The following GPC6 variants were observed in gnomAD, a reference collection of about 807,000 sequenced individuals.
GPC6 encodes the protein glypican-6.
GPC6 carries 14 observed loss-of-function variants against 55.2 expected under a neutral mutation model. The ratio of observed to expected loss-of-function variants is 0.25; its 90% confidence interval spans 0.17 to 0.40. GPC6 has a LOEUF of 0.40. Ranked by LOEUF, GPC6 falls within the 10% of genes least tolerant of loss-of-function variation. The probability of loss-of-function intolerance (pLI) is 1.00; values close to 1 mark genes in which losing one functional copy is unlikely to be tolerated. For missense variants in GPC6, 641 were observed against 708.5 expected (o/e 0.90, Z 1.08); for synonymous variants, 278 against 259.6 (o/e 1.07, Z -0.68).
intron 1 of GPC6, among the ~76,000 whole-genome samples, chr13:93,411,625 A>G (rs937646069): frequency 6.6e-6 from 1 of 152,184 alleles, no homozygotes; most frequent in Admixed American, 6.5e-5. Flanking sequence ...AAGAAGAAAA[A>G]TATTTTAAAA....
chr13:93,332,829 T>G (rs1879900775), intron 1 of GPC6, among the ~76,000 whole-genome samples: 2 of 152,202 alleles, frequency 1.3e-5, no homozygotes, highest in East Asian at 1.9e-4. Flanking sequence ...CTTCATAGTT[T>G]CAGGCCTTAC....
rs556183906 is a variant in GPC6, at chr13:93,688,915, T to C, written c.320-141239T>C. ...TGCACACTTACAAATGTTAATATGG[T>C]AAATTTTATGTTAATTATATTTTAG... On this transcript the variant is annotated intron_variant, in intron 2 of 8. Coordinates refer to ENST00000377047, the MANE Select transcript of GPC6 (RefSeq NM_005708.5). Among the ~76,000 whole-genome samples, 7 of 152,164 alleles carry C rather than the reference T, an allele frequency of 4.6e-5. No homozygotes were observed. The East Asian group carries it at 1.4e-3, about 29-fold the overall frequency.
At chr13:94,136,257 C>A (rs767177941) in intron 4 of GPC6, among the ~76,000 whole-genome samples, 63 of 150,640 alleles carry the variant, frequency 4.2e-4, no homozygotes, top group Non-Finnish European at 7.5e-4. Context: ...ATTACTGGAC[C>A]GACTTCTGTG....
intron 3 of GPC6, among the ~76,000 whole-genome samples, chr13:94,005,840 A>C (rs1463262993): frequency 2.0e-5 from 3 of 152,186 alleles, no homozygotes; most frequent in Non-Finnish European, 4.4e-5. Context: ...TTCTCAAGAT[A>C]AATCATTTTC....
Position 93,557,639 on chromosome 13 carries a change from C to A in GPC6, c.319+12218C>A, listed in dbSNP as rs528651899. On this transcript the variant is annotated intron_variant, in intron 2 of 8. Transcript: ENST00000377047. ...TAAGAGAAGTAGCTTCTAAGAATAT[C>A]TTCAGCCCTTGAGGGTTCCAAGTCC... Among the ~76,000 whole-genome samples, 23 of 152,218 alleles carry A rather than the reference C, an allele frequency of 1.5e-4. 1 individual carries two copies. The South Asian group carries it at 4.8e-3, about 32-fold the overall frequency.
At chr13:94,102,328 G>A (rs945877057) in intron 4 of GPC6, among the ~76,000 whole-genome samples, 6 of 152,024 alleles carry the variant, frequency 3.9e-5, no homozygotes, top group Non-Finnish European at 7.4e-5. Flanking sequence ...AACAAGTCTT[G>A]GACATTTCCA....
intron 3 of GPC6, among the ~76,000 whole-genome samples, chr13:93,880,588 T>G (rs1406061621): frequency 6.6e-6 from 1 of 152,060 alleles, no homozygotes; most frequent in African/African-American, 2.4e-5. Context: ...GAGGTAGGGA[T>G]AGTATTGGGA....
intron 7 of GPC6, among the ~76,000 whole-genome samples, chr13:94,396,540 C>A (rs531496994): frequency 3.8e-4 from 58 of 152,332 alleles, no homozygotes; most frequent in African/African-American, 1.4e-3. Context: ...AAATGCCCAA[C>A]CAAACCTGGC....
chr13:93,773,749 T>C (rs1885375306), intron 2 of GPC6, among the ~76,000 whole-genome samples: 1 of 152,170 alleles, frequency 6.6e-6, no homozygotes, highest in African/African-American at 2.4e-5. Flanking sequence ...CCTCACCCAC[T>C]AGGGTCTCTG....
chr13:93,332,551 T>C (rs1411041890), intron 1 of GPC6, among the ~76,000 whole-genome samples: 1 of 152,094 alleles, frequency 6.6e-6, no homozygotes, highest in Non-Finnish European at 1.5e-5. Flanking sequence ...ATTTAAAAAA[T>C]TGGAGTATTT....
chr13:94,223,878 C>G (rs757801011), intron 4 of GPC6, among the ~76,000 whole-genome samples: 2 of 152,106 alleles, frequency 1.3e-5, no homozygotes, highest in African/African-American at 4.8e-5. Context: ...AGAGCTTTTA[C>G]GGTCATTTGC....
chr13:93,798,126 C>T (rs2138932795), intron 2 of GPC6, among the ~76,000 whole-genome samples: 1 of 152,196 alleles, frequency 6.6e-6, no homozygotes, highest in South Asian at 2.1e-4. Context: ...TGGAAGGTAA[C>T]TTAGTAATGG....
At position 93,459,507 on chromosome 13, in the gene GPC6, A is replaced by G. The variant is rs563076513; in HGVS notation, c.161-85756A>G. 3.9e-5 allele frequency among the ~76,000 whole-genome samples: 6 copies of G among 152,342 alleles called. No individual in the cohort carries two copies. In the East Asian group the frequency reaches 1.2e-3, roughly 29 times the overall value. On this transcript the variant is annotated intron_variant, in intron 1 of 8. Coordinates refer to ENST00000377047, the MANE Select transcript of GPC6 (RefSeq NM_005708.5). The stretch of plus-strand genomic sequence containing the variant: ...ATAAAAGGATTCATTGGTGGTCTAA[A>G]TGAAAACAACGGACTTTAACAGTAG...
chr13:93,690,956 T>A (rs902865691), intron 2 of GPC6, among the ~76,000 whole-genome samples: 2 of 152,134 alleles, frequency 1.3e-5, no homozygotes, highest in Non-Finnish European at 2.9e-5. Context: ...ATCCTCACTA[T>A]GCTGGAGTGC....
chr13:93,285,658 GTGTGTA>G (rs1364039219), intron 1 of GPC6, among the ~76,000 whole-genome samples: 5 of 151,034 alleles, frequency 3.3e-5, no homozygotes, highest in African/African-American at 1.2e-4. Context: ...GTGTGTGTGT[GTGTGTA>G]TGTGTTTGGT....
chr13:94,131,521 G>A (rs922443078), intron 4 of GPC6, among the ~76,000 whole-genome samples: 1 of 152,120 alleles, frequency 6.6e-6, no homozygotes, highest in African/African-American at 2.4e-5. Flanking sequence ...CAATTAATTT[G>A]AGAAATGATG....
At chr13:94,357,529 G>A (rs938583696) in intron 6 of GPC6, among the ~76,000 whole-genome samples, 1 of 152,166 alleles carries the variant, frequency 6.6e-6, no homozygotes, top group Admixed American at 6.5e-5. Context: ...GGCACTCTTG[G>A]CCAACTGATG....
At chr13:94,161,283 G>C (rs907807903) in intron 4 of GPC6, among the ~76,000 whole-genome samples, 4 of 152,038 alleles carry the variant, frequency 2.6e-5, no homozygotes, top group Non-Finnish European at 5.9e-5. Flanking sequence ...TTCCTCATCT[G>C]TTCACTCTTC....
chr13:93,706,166 A>G (rs1367965354), intron 2 of GPC6, among the ~76,000 whole-genome samples: 1 of 151,892 alleles, frequency 6.6e-6, no homozygotes, highest in African/African-American at 2.4e-5. Context: ...TTAAAATTGG[A>G]AATTGTAGGA....
Sources: gnomAD v4.1 joint callset for allele counts (sites outside exome capture counted in the v4.1 genomes callset) on GRCh38, gnomAD v4.1.1 for gene constraint, MANE v1.5 for transcripts, NCBI Gene and HGNC (gene_info 2026-07-23, HGNC 2026-07-21) for gene names.